Variants in SGCD observed in about 807,000 individuals in gnomAD.
SGCD encodes the protein sarcoglycan delta.
In SGCD, 18 loss-of-function variants were observed where a neutral mutation model predicts 36.6. The ratio of observed to expected loss-of-function variants is 0.49; its 90% CI spans 0.34 to 0.73. SGCD has a LOEUF of 0.73. SGCD is among the 30% of genes least tolerant of loss of function. The probability of loss-of-function intolerance (pLI) is 0.01; values close to 1 mark genes in which losing one functional copy is unlikely to be tolerated. For synonymous variants in SGCD, 133 were observed against 130.6 expected, an observed-to-expected ratio of 1.02 and a Z score of -0.12; for missense variants, 387 against 346.7, an observed-to-expected ratio of 1.12 and a Z score of -0.92.
chr5:155,814,651 CAG>C, the SGCD span, among the ~76,000 whole-genome samples: 1 of 152,040 alleles, frequency 6.6e-6, no homozygotes, highest in Non-Finnish European at 1.5e-5. Context: ...TGCATGGAGA[CAG>C]AGGATGAGCA....
intron 1 of SGCD, among the ~76,000 whole-genome samples, chr5:156,008,468 T>G (rs1422781956): frequency 6.6e-6 from 1 of 152,152 alleles, no homozygotes; most frequent in African/African-American, 2.4e-5. Flanking sequence ...CTCAAACTCC[T>G]GAGCCCAAGT....
intron 4 of SGCD, among the ~76,000 whole-genome samples, chr5:156,579,991 G>A (rs1258159973): frequency 1.3e-5 from 2 of 152,184 alleles, no homozygotes; most frequent in Non-Finnish European, 2.9e-5. Context: ...TTTAGTTGAT[G>A]CAGTTTCTTC....
chr5:156,199,818 C>G (rs1764101289), intron 3 of SGCD, among the ~76,000 whole-genome samples: 1 of 152,032 alleles, frequency 6.6e-6, no homozygotes, highest in Admixed American at 6.6e-5. Flanking sequence ...ATAAATGACT[C>G]ATCAACTAAT....
chr5:155,761,622 A>G, the SGCD span, among the ~76,000 whole-genome samples: 2 of 138,136 alleles, frequency 1.4e-5, no homozygotes, highest in East Asian at 2.1e-4. Flanking sequence ...CATCCTCATC[A>G]TCACTCTCTC....
At chr5:156,300,678 T>G (rs1013707371) in intron 3 of SGCD, among the ~76,000 whole-genome samples, 1 of 152,068 alleles carries the variant, frequency 6.6e-6, no homozygotes, top group African/African-American at 2.4e-5. Context: ...TGATTTTATG[T>G]CTGGATGATC....
At chr5:155,828,958 A>G in the SGCD span, among the ~76,000 whole-genome samples, 2 of 152,210 alleles carry the variant, frequency 1.3e-5, no homozygotes, top group East Asian at 3.9e-4. Flanking sequence ...AAGTGCTGGG[A>G]TTACAGGCTT....
intron 3 of SGCD, among the ~76,000 whole-genome samples, chr5:156,346,234 T>A (rs1768927585): frequency 6.6e-6 from 1 of 152,152 alleles, no homozygotes; most frequent in Non-Finnish European, 1.5e-5. Flanking sequence ...ATTACCTTGA[T>A]GTTACAAATT....
At chr5:156,717,488 A>G (rs980042689) in intron 7 of SGCD, among the ~76,000 whole-genome samples, 20 of 152,182 alleles carry the variant, frequency 1.3e-4, no homozygotes, top group African/African-American at 4.8e-4. Flanking sequence ...TTGAGTTAAC[A>G]ATATCTTTAT....
chr5:155,827,965 A>G, the SGCD span, among the ~76,000 whole-genome samples: 1 of 151,342 alleles, frequency 6.6e-6, no homozygotes, highest in Non-Finnish European at 1.5e-5. Context: ...TGCTGAGATT[A>G]CAAGAGTGAG....
intron 1 of SGCD, among the ~76,000 whole-genome samples, chr5:155,972,998 A>G (rs1044733923): frequency 1.3e-5 from 2 of 152,014 alleles, no homozygotes; most frequent in African/African-American, 4.8e-5. Flanking sequence ...GTCCTTTGTT[A>G]GTCATTTTTA....
chr5:156,502,468 G>A (rs1030082957), intron 3 of SGCD, among the ~76,000 whole-genome samples: 1 of 152,124 alleles, frequency 6.6e-6, no homozygotes, highest in African/African-American at 2.4e-5. Context: ...CTGAGTAGCT[G>A]GGACTACAGG....
intron 7 of SGCD, among the ~76,000 whole-genome samples, chr5:156,665,239 C>T (rs1040651661): frequency 1.3e-5 from 2 of 152,194 alleles, no homozygotes; most frequent in Middle Eastern, 3.4e-3. Flanking sequence ...ACTTGTGCCT[C>T]GTGGTTTAGA....
intron 7 of SGCD, among the ~76,000 whole-genome samples, chr5:156,753,045 G>T (rs1053328057): frequency 6.6e-6 from 1 of 152,016 alleles, no homozygotes; most frequent in Admixed American, 6.5e-5. Flanking sequence ...AGTGTGGCCC[G>T]CCGAAACAAG....
chr5:155,889,566 G>A (rs1229829723), intron 1 of SGCD, among the ~76,000 whole-genome samples: 1 of 152,174 alleles, frequency 6.6e-6, no homozygotes, highest in Non-Finnish European at 1.5e-5. Context: ...TCCTAGATAG[G>A]AGAATTGTTC....
chr5:156,746,798 G>A (rs1756955217), intron 7 of SGCD, among the ~76,000 whole-genome samples: 1 of 151,960 alleles, frequency 6.6e-6, no homozygotes, highest in Non-Finnish European at 1.5e-5. Context: ...GTGACCTTGG[G>A]GTAGTCAATG....
chr5:155,941,472 TTAAA>T (rs770262878), intron 1 of SGCD, among the ~76,000 whole-genome samples: 1 of 151,530 alleles, frequency 6.6e-6, no homozygotes, highest in East Asian at 1.9e-4. Context: ...CTGATATTAT[TTAAA>T]TAATTATATT....
At chr5:156,622,185 C>T (rs1375152845) in intron 6 of SGCD, among the ~76,000 whole-genome samples, 4 of 152,220 alleles carry the variant, frequency 2.6e-5, no homozygotes, top group South Asian at 2.1e-4. Flanking sequence ...GTAATCCCAA[C>T]GCTTGGAGAG....
At chr5:156,330,811 T>A (rs1238596223) in intron 2 of SGCD, among the ~76,000 whole-genome samples, 1 of 152,040 alleles carries the variant, frequency 6.6e-6, no homozygotes, top group Non-Finnish European at 1.5e-5. Context: ...GGAAGAAAAG[T>A]GGTTATATTG....
At chr5:156,705,844 TTG>T (rs2075305139) in intron 7 of SGCD, among the ~76,000 whole-genome samples, 1 of 152,178 alleles carries the variant, frequency 6.6e-6, no homozygotes, top group Non-Finnish European at 1.5e-5. Flanking sequence ...ATATTTGACT[TTG>T]TGTCTTGGCC....
Sources: gnomAD v4.1 joint callset for allele counts (sites outside exome capture counted in the v4.1 genomes callset) on GRCh38, gnomAD v4.1.1 for gene constraint, MANE v1.5 for transcripts, NCBI Gene and HGNC (gene_info 2026-07-23, HGNC 2026-07-21) for gene names.